The following PAK4 variants were observed in gnomAD, a reference collection of about 807,000 sequenced individuals.
The protein encoded by PAK4 is serine/threonine-protein kinase PAK 4.
PAK4 carries 49 observed loss-of-function variants against 53.5 expected under a neutral mutation model. That is an observed-to-expected ratio of 0.92 (90% CI 0.73 to 1.16). The LOEUF (loss-of-function observed/expected upper bound fraction) is 1.16. Ranked by LOEUF, PAK4 falls within the 50% of genes most tolerant of loss-of-function variation. PAK4 has a pLI of 0.00. For synonymous variants in PAK4, 376 were observed against 375.6 expected (o/e 1.00, Z -0.01); for missense variants, 824 against 850.7 (o/e 0.97, Z 0.39).
At chr19:39,168,875 C>T (rs530982932) in intron 1 of PAK4, 1 of 152,622 alleles carries the variant, frequency 6.6e-6, no homozygotes, top group Admixed American at 6.5e-5. Context: ...CATGGCTGGA[C>T]CAGTGGCAGT....
chr19:39,139,361 C>T (rs1241674419), intron 1 of PAK4, among the ~76,000 whole-genome samples: 1 of 152,044 alleles, frequency 6.6e-6, no homozygotes, highest in Admixed American at 6.6e-5. Flanking sequence ...GGGCCAGTGT[C>T]GGGGTACCCA....
Position 39,177,659 on chromosome 19 carries a change from C to T in PAK4, c.1486-16C>T, listed in dbSNP as rs370680808. ...CCCCCAACAGCTCAGCCCTGCTGTC[C>T]CTTCTCCCGCCCCAGGTAGACATCT... is the stretch of plus-strand genomic sequence containing the variant. On this transcript the variant is annotated splice_polypyrimidine_tract_variant and intron_variant, in intron 7 of 8. Transcript: ENST00000358301. 2 of 1,608,048 alleles carry T rather than the reference C, an allele frequency of 1.2e-6. No homozygotes were observed. The highest frequency in any genetic ancestry group is 2.2e-5 in the East Asian group (1 of 44,700).
chr19:39,169,876 A>G (rs1466624926), intron 2 of PAK4, 119 bp downstream of exon 3: 3 of 737,484 alleles, frequency 4.1e-6, no homozygotes, highest in Non-Finnish European at 6.6e-6. Flanking sequence ...AATGGAGACA[A>G]ACCCCAGCCT....
At chr19:39,160,041 G>C (rs974492456) in intron 1 of PAK4, among the ~76,000 whole-genome samples, 5 of 152,228 alleles carry the variant, frequency 3.3e-5, no homozygotes, top group Admixed American at 6.5e-5. Context: ...TGGCTGGGTG[G>C]GCCCCCCTGC....
intron 1 of PAK4, among the ~76,000 whole-genome samples, chr19:39,166,059 A>G (rs2074370714): frequency 6.6e-6 from 1 of 152,240 alleles, no homozygotes; most frequent in Non-Finnish European, 1.5e-5. Context: ...GGTGACCGGC[A>G]CTTACTGAGC....
intron 1 of PAK4, among the ~76,000 whole-genome samples, chr19:39,158,118 TGA>T (rs1317096923): frequency 1.3e-5 from 2 of 151,104 alleles, no homozygotes; most frequent in East Asian, 1.9e-4. Flanking sequence ...GAGCATTGTG[TGA>T]GTGCGTGCGT....
At chr19:39,158,018 A>G (rs2074215108) in intron 1 of PAK4, among the ~76,000 whole-genome samples, 1 of 151,932 alleles carries the variant, frequency 6.6e-6, no homozygotes, top group Admixed American at 6.6e-5. Flanking sequence ...GTGTGTATGC[A>G]TGTGTGTGAG....
At position 39,129,290 on chromosome 19, in the gene PAK4, T is replaced by C. The variant is rs1230770428; in HGVS notation, c.-23+3371T>C. 2.0e-5 allele frequency among the ~76,000 whole-genome samples: 3 copies of C among 151,680 alleles called. No individual in the cohort carries two copies. In the East Asian group the frequency reaches 5.8e-4, roughly 29 times the overall value. ...ACAGGCCATTTGTTTTTCCTGATGG[T>C]GTTTCTTTTTGTGATCGTGTCACAC... On this transcript the variant is annotated intron_variant, in intron 1 of 8. Coordinates refer to ENST00000358301, the Ensembl canonical transcript of PAK4.
At chr19:39,150,463 C>G (rs2145186807) in intron 1 of PAK4, among the ~76,000 whole-genome samples, 1 of 152,248 alleles carries the variant, frequency 6.6e-6, no homozygotes, top group South Asian at 2.1e-4. Flanking sequence ...AGGTCTGTCC[C>G]CCTCTCTCCA....
intron 1 of PAK4, among the ~76,000 whole-genome samples, chr19:39,146,328 AG>A (rs1323865710): frequency 6.6e-6 from 1 of 152,196 alleles, no homozygotes; most frequent in Non-Finnish European, 1.5e-5. Context: ...GCTCCAGCCT[AG>A]GAAATCAAGG....
chr19:39,129,192 C>T (rs2073652163), intron 1 of PAK4, among the ~76,000 whole-genome samples: 1 of 152,028 alleles, frequency 6.6e-6, no homozygotes, highest in Non-Finnish European at 1.5e-5. Context: ...TACAGGCGCG[C>T]ACACCTGCTC....
At chr19:39,146,971 G>T (rs2145171333) in intron 1 of PAK4, among the ~76,000 whole-genome samples, 1 of 151,990 alleles carries the variant, frequency 6.6e-6, no homozygotes, top group East Asian at 1.9e-4. Context: ...AGGAGGTCTG[G>T]CGCACCTTTA....
intron 2 of PAK4, among the ~76,000 whole-genome samples, chr19:39,172,247 C>T (rs774464192): frequency 5.3e-5 from 8 of 151,376 alleles, no homozygotes; most frequent in African/African-American, 1.9e-4. Context: ...GGGAGACACC[C>T]GTGTGTCTGG....
chr19:39,153,229 C>T (rs2074122252), intron 1 of PAK4, among the ~76,000 whole-genome samples: 1 of 152,024 alleles, frequency 6.6e-6, no homozygotes, highest in Admixed American at 6.6e-5. Flanking sequence ...GCTCCCAGTC[C>T]CTCCCTTCCC....
chr19:39,145,274 C>G (rs558841483), intron 1 of PAK4, among the ~76,000 whole-genome samples: 7 of 152,142 alleles, frequency 4.6e-5, no homozygotes, highest in Non-Finnish European at 1.0e-4. Flanking sequence ...GGCCCTGCGT[C>G]TGCTTCCCTA....
chr19:39,138,513 T>C (rs2145135806), intron 1 of PAK4, among the ~76,000 whole-genome samples: 2 of 152,366 alleles, frequency 1.3e-5, no homozygotes, highest in South Asian at 4.1e-4. Context: ...TTCATACTTT[T>C]CCAGCCGACG....
intron 1 of PAK4, among the ~76,000 whole-genome samples, chr19:39,145,160 G>A (rs1299958981): frequency 6.6e-6 from 1 of 152,134 alleles, no homozygotes; most frequent in Non-Finnish European, 1.5e-5. Context: ...AGAGAAGAGA[G>A]AATCACCTGC....
chr19:39,173,440 T>C lies in PAK4; in HGVS notation c.663+64T>C. The C allele has an allele frequency of 7.2e-7, 1 of 1,384,818 alleles. No individual in the cohort carries two copies. Among genetic ancestry groups the C allele is most frequent in the Non-Finnish European group, 9.7e-7 (1 of 1,032,218 alleles). The allele number at this position is 1,384,818 out of a possible 1,614,324, so 85.8% of individuals were successfully genotyped here. A position where few individuals can be genotyped will look rare whatever the true frequency, so the allele number is the denominator to read the frequency against. On this transcript the variant is annotated intron_variant, in intron 3 of 8. Transcript: ENST00000358301. This position sits in a 1 kb window ranked among gnomAD's most constrained non-coding sequence, Gnocchi z 6.9. ...GCCCGTTGCTCCTCTGTCCCCACCT[T>C]CCAGCCCCGCCCCACCACCGTGCAT... is the stretch of plus-strand genomic sequence containing the variant.
exon 2 of PAK4, chr19:39,169,632 C>A: frequency 1.9e-6 from 3 of 1,613,638 alleles, no homozygotes; most frequent in Non-Finnish European, 2.5e-6. Context: ...GGGCTTCGAC[C>A]AGCACGAGCA....
Sources: gnomAD v4.1 joint callset for allele counts (sites outside exome capture counted in the v4.1 genomes callset) on GRCh38, gnomAD v4.1.1 for gene constraint, Gnocchi (gnomAD v3.1) non-coding constraint, MANE v1.5 for transcripts, NCBI Gene and HGNC (gene_info 2026-07-23, HGNC 2026-07-21) for gene names.